Variants in CLINT1 observed in about 807,000 individuals in gnomAD.
CLINT1 encodes clathrin interacting protein localized in the trans-Golgi region.
In CLINT1, 15 loss-of-function variants were observed where a neutral mutation model predicts 70.4. That is an observed-to-expected ratio of 0.21 (90% CI 0.14 to 0.33). The LOEUF is 0.33. CLINT1 is among the 10% of genes least tolerant of loss of function. CLINT1 has a pLI of 1.00. For synonymous variants in CLINT1, 227 were observed against 254.7 expected (o/e 0.89, Z 1.04); for missense variants, 615 against 778.1 (o/e 0.79, Z 2.49).
At chr5:157,850,655 G>A (rs1003632309) in intron 1 of CLINT1, among the ~76,000 whole-genome samples, 4 of 150,894 alleles carry the variant, frequency 2.7e-5, no homozygotes, top group Non-Finnish European at 4.4e-5. Flanking sequence ...TAACCATGGG[G>A]GTTTAACTAC....
chr5:157,849,158 C>T (rs898660138), intron 1 of CLINT1, among the ~76,000 whole-genome samples: 3 of 152,048 alleles, frequency 2.0e-5, no homozygotes, highest in Non-Finnish European at 2.9e-5. Context: ...GCATTGCATG[C>T]TACAGAGAAA....
chr5:157,804,867 C>T (rs1418855168), intron 7 of CLINT1, among the ~76,000 whole-genome samples: 2 of 151,912 alleles, frequency 1.3e-5, no homozygotes, highest in Admixed American at 1.3e-4. Flanking sequence ...GCAGAGGTTG[C>T]GGTGAGCCAA....
rs1344690722 is a variant in CLINT1 at position 157,795,988 on chromosome 5, T to G, written c.1013-1016A>C. On this transcript the variant is annotated intron_variant, in intron 8 of 11. Coordinates refer to ENST00000411809, the MANE Select transcript of CLINT1 (RefSeq NM_014666.4). ...AGAGGTTGCAGTGAGCCAAGATTGC[T>G]GCGCTCCAGATTGGGCAACACAGTG... 3 of 152,238 alleles carry G rather than the reference T, an allele frequency of 2.0e-5. No individual in the cohort carries two copies. The East Asian group carries it at 5.8e-4, about 29-fold the overall frequency. The allele number at this position is 152,238 out of a possible 1,614,324, so 9.4% of individuals were successfully genotyped here. A position where few individuals can be genotyped will look rare whatever the true frequency, so the allele number is the denominator to read the frequency against.
intron 1 of CLINT1, among the ~76,000 whole-genome samples, chr5:157,838,043 T>C (rs1308248111): frequency 6.6e-6 from 1 of 152,124 alleles, no homozygotes; most frequent in Non-Finnish European, 1.5e-5. Context: ...CAGCTTTATA[T>C]ACATTTTTTC....
intron 4 of CLINT1, 56 bp from the exon 5 acceptor site, chr5:157,813,283 G>C: frequency 6.9e-7 from 1 of 1,448,364 alleles, no homozygotes; most frequent in East Asian, 2.4e-5. Context: ...TATGTATCAA[G>C]CTCTTTAAGA....
Position 157,809,782 on chromosome 5 carries a change from T to C in CLINT1, c.541A>G (p.Lys181Glu). ...RYSERYDPEP[K>E]SKWDEEWDKN... The stretch of plus-strand genomic sequence containing the variant: ...TCCCACTCCTCATCCCATTTTGATT[T>C]GGGCTCAGGATCATATCTTTCACCT... Residue 181 changes from lysine (K) to glutamate (E), a missense_variant, in exon 6 of 12, where the codon AAA (lysine) becomes GAA (glutamate). By Grantham distance (56) the Lys-to-Glu change is moderately conservative (BLOSUM62 1). This residue lies in a region of CLINT1 where 241 missense variants were observed against 368.6 expected (regional missense o/e 0.65). Transcript: ENST00000411809. The C allele has an allele frequency of 6.2e-7, 1 of 1,613,132 alleles. No individual in the cohort carries two copies. The highest frequency in any genetic ancestry group is 8.5e-7 in the Non-Finnish European group (1 of 1,179,454).
In CLINT1 at chr5:157,786,321, CAG is replaced by C. The variant is rs1295998081; in HGVS notation, c.*1323_*1324del. The C allele has an allele frequency of 1.3e-5, 2 of 151,988 alleles. No homozygotes were observed. The highest frequency in any genetic ancestry group is 2.9e-5 in the Non-Finnish European group (2 of 67,920). The allele number at this position is 151,988 out of a possible 1,614,324, so 9.4% of individuals were successfully genotyped here. A position where few individuals can be genotyped will look rare whatever the true frequency, so the allele number is the denominator to read the frequency against. ...ATGAACATTTTAATGTTATGTATAA[CAG>C]AACATTATGAATATAATGGAAATAA... On this transcript the variant is annotated 3_prime_UTR_variant, in exon 12 of 12. Coordinates refer to ENST00000411809, the MANE Select transcript of CLINT1 (RefSeq NM_014666.4).
chr5:157,855,082 T>A (rs1311225026), intron 1 of CLINT1, among the ~76,000 whole-genome samples: 1 of 138,214 alleles, frequency 7.2e-6, no homozygotes, highest in Non-Finnish European at 1.5e-5. Context: ...AGGTAGAGAT[T>A]GCAGTGGGCT....
At chr5:157,856,667 G>A (rs1206748100) in intron 1 of CLINT1, among the ~76,000 whole-genome samples, 1 of 152,234 alleles carries the variant, frequency 6.6e-6, no homozygotes, top group South Asian at 2.1e-4. Flanking sequence ...CCAGTGAAAA[G>A]ATGAAAATTA....
At chr5:157,854,364 G>A (rs1448475527) in intron 1 of CLINT1, among the ~76,000 whole-genome samples, 1 of 152,090 alleles carries the variant, frequency 6.6e-6, no homozygotes, top group Non-Finnish European at 1.5e-5. Context: ...CAGGCAGACT[G>A]CCTGAGCCCA....
At chr5:157,843,837 AAT>A (rs1382488245) in intron 1 of CLINT1, among the ~76,000 whole-genome samples, 4 of 152,236 alleles carry the variant, frequency 2.6e-5, no homozygotes, top group Admixed American at 2.6e-4. Flanking sequence ...GCACTGGCAC[AAT>A]ATGTGAAAAT....
chr5:157,787,632 T>G lies in CLINT1; in HGVS notation c.*14A>C, dbSNP rs1177041383. 6.2e-7 allele frequency: 1 copy of G among 1,608,516 alleles called. No homozygotes were observed. On this transcript the variant is annotated 3_prime_UTR_variant, in exon 12 of 12. Coordinates refer to ENST00000411809, the MANE Select transcript of CLINT1 (RefSeq NM_014666.4). ...CTAAAAATTCTTCATTCAATCTGCT[T>G]CTTTTACAATCTCTTATTTGCTAAA...
intron 1 of CLINT1, among the ~76,000 whole-genome samples, chr5:157,855,624 T>C (rs1389599349): frequency 6.6e-6 from 1 of 152,156 alleles, no homozygotes; most frequent in Non-Finnish European, 1.5e-5. Context: ...GTGGAAAATA[T>C]ACCCCCACTT....
intron 11 of CLINT1, 156 bp from the exon 12 acceptor site, chr5:157,788,148 G>T: frequency 1.5e-6 from 1 of 688,616 alleles, no homozygotes; most frequent in Non-Finnish European, 2.6e-6. Flanking sequence ...ACTCTGCACT[G>T]GTTCCTCTTG....
chr5:157,807,731 A>C (rs1762429184), intron 6 of CLINT1, among the ~76,000 whole-genome samples: 1 of 152,156 alleles, frequency 6.6e-6, no homozygotes, highest in Non-Finnish European at 1.5e-5. Context: ...AACATAAAAA[A>C]TAAAAATCAT....
intron 8 of CLINT1, among the ~76,000 whole-genome samples, chr5:157,798,118 T>C (rs899017855): frequency 6.6e-6 from 1 of 152,234 alleles, no homozygotes; most frequent in African/African-American, 2.4e-5. Context: ...AAAATCTCTT[T>C]ATTTAGAAAA....
chr5:157,832,604 T>G (rs1315294280), intron 1 of CLINT1, among the ~76,000 whole-genome samples: 1 of 152,236 alleles, frequency 6.6e-6, no homozygotes, highest in Non-Finnish European at 1.5e-5. Context: ...TTCATTCATC[T>G]TCTACATGAC....
intron 5 of CLINT1, among the ~76,000 whole-genome samples, chr5:157,811,597 A>G (rs1247689621): frequency 6.6e-6 from 1 of 152,174 alleles, no homozygotes; most frequent in African/African-American, 2.4e-5. Flanking sequence ...TTAAGTCTGA[A>G]TAACATAAAC....
chr5:157,849,838 C>G (rs1474940163), intron 1 of CLINT1, among the ~76,000 whole-genome samples: 1 of 152,148 alleles, frequency 6.6e-6, no homozygotes, highest in African/African-American at 2.4e-5. Flanking sequence ...TATCAACTTA[C>G]CAAATTTAAT....
Sources: allele counts gnomAD v4.1 joint callset (sites outside exome capture counted in the v4.1 genomes callset), GRCh38; gene constraint gnomAD v4.1.1; regional missense constraint gnomAD v4.1.1; transcripts MANE v1.5; gene names NCBI Gene and HGNC (gene_info 2026-07-23, HGNC 2026-07-21).